TPTE: variants seen among roughly 807,000 people sequenced by gnomAD.
TPTE encodes the protein putative tyrosine-protein phosphatase TPTE.
TPTE carries 59 observed loss-of-function variants against 84.1 expected under a neutral mutation model. That is an observed-to-expected ratio of 0.70 (90% CI 0.57 to 0.87). TPTE has a LOEUF of 0.87. TPTE is among the 40% of genes least tolerant of loss of function. TPTE has a pLI of 0.00. For missense variants in TPTE, 382 were observed against 659.6 expected, an observed-to-expected ratio of 0.58 and a Z score of 4.61; for synonymous variants, 130 against 223.5, an observed-to-expected ratio of 0.58 and a Z score of 3.73.
chr21:10,589,951 C>T (rs2075436040), intron 17 of TPTE, among the ~76,000 whole-genome samples: 1 of 152,310 alleles, frequency 6.6e-6, no homozygotes, highest in Non-Finnish European at 1.5e-5. Context: ...AAAAAACATC[C>T]TTGCATCCTT....
At chr21:10,553,783 A>T (rs2074626009) in intron 8 of TPTE, among the ~76,000 whole-genome samples, 1 of 152,308 alleles carries the variant, frequency 6.6e-6, no homozygotes, top group African/African-American at 2.4e-5. Flanking sequence ...CCTGATACTC[A>T]GCAAGTCACT....
At chr21:10,536,439 CA>C (rs1391150641) in intron 3 of TPTE, among the ~76,000 whole-genome samples, 4 of 152,312 alleles carry the variant, frequency 2.6e-5, no homozygotes, top group Non-Finnish European at 4.4e-5. Context: ...AGCCTGCATA[CA>C]GAATTGACAT....
At chr21:10,527,151 T>TCA (rs1160648422) in intron 2 of TPTE, among the ~76,000 whole-genome samples, 3 of 148,682 alleles carry the variant, frequency 2.0e-5, no homozygotes, top group East Asian at 1.9e-4. Flanking sequence ...TCTCTCTCTC[T>TCA]CTCTCTCACA....
chr21:10,603,813 C>A (rs919139546), intron 23 of TPTE, among the ~76,000 whole-genome samples, 181 bp downstream of exon 23: 1 of 152,312 alleles, frequency 6.6e-6, no homozygotes, highest in Non-Finnish European at 1.5e-5. Flanking sequence ...TCCATTTGTT[C>A]TTGAGACCCA....
intron 21 of TPTE, 71 bp from the exon 22 acceptor site, chr21:10,601,987 T>A: frequency 2.0e-6 from 3 of 1,513,836 alleles, no homozygotes; most frequent in South Asian, 2.3e-5. Context: ...GAAGTCATGA[T>A]AAGTGAAAAG....
At chr21:10,566,831 G>A (rs1202486628) in intron 10 of TPTE, among the ~76,000 whole-genome samples, 15 of 152,420 alleles carry the variant, frequency 9.8e-5, no homozygotes, top group Admixed American at 2.6e-4. Flanking sequence ...ACAAAAATTA[G>A]CTGGGTGTGG....
At position 10,562,228 on chromosome 21, in the gene TPTE, G is replaced by A. The variant is rs2074822047; in HGVS notation, c.446+1037G>A. Among the ~76,000 whole-genome samples the A allele has an allele frequency of 2.0e-5, 3 of 152,310 alleles. No homozygotes were observed. In the South Asian group the frequency reaches 6.2e-4, roughly 31 times the overall value. On this transcript the variant is annotated intron_variant, in intron 10 of 23. Coordinates refer to ENST00000618007, the MANE Select transcript of TPTE (RefSeq NM_199261.4). Reference sequence around the variant, plus strand: ...ATAGAGATTAGATCACAGTATCCAAGTTCTTTCAAATATCTGGAAAGCCTT... The same window carrying A: ...ATAGAGATTAGATCACAGTATCCAAATTCTTTCAAATATCTGGAAAGCCTT...
chr21:10,545,485 A>G (rs1186105414), intron 7 of TPTE, among the ~76,000 whole-genome samples: 1 of 152,426 alleles, frequency 6.6e-6, no homozygotes, highest in East Asian at 1.9e-4. Context: ...CCTGAAGTGT[A>G]CATTTTTAAT....
At chr21:10,588,895 T>C (rs2075414239) in intron 17 of TPTE, among the ~76,000 whole-genome samples, 1 of 152,308 alleles carries the variant, frequency 6.6e-6, no homozygotes, top group South Asian at 2.1e-4. Context: ...ATCTCTTCCT[T>C]CATTTCCCGG....
chr21:10,551,625 TTAACAACA>T (rs2074576322), intron 7 of TPTE, among the ~76,000 whole-genome samples: 1 of 152,200 alleles, frequency 6.6e-6, no homozygotes, highest in Non-Finnish European at 1.5e-5. Flanking sequence ...TTACAAAAGG[TTAACAACA>T]AAAAGGTTTA....
chr21:10,548,999 T>G (rs2074523361), intron 7 of TPTE, among the ~76,000 whole-genome samples: 1 of 152,312 alleles, frequency 6.6e-6, no homozygotes, highest in African/African-American at 2.4e-5. Context: ...ACTCTATGCC[T>G]GCACACACCC....
intron 4 of TPTE, among the ~76,000 whole-genome samples, chr21:10,540,260 C>G (rs1336190695): frequency 6.6e-6 from 1 of 152,302 alleles, no homozygotes; most frequent in African/African-American, 2.4e-5. Flanking sequence ...TACATGCATT[C>G]GTACACACAA....
At chr21:10,550,174 C>T (rs1420027653) in intron 7 of TPTE, among the ~76,000 whole-genome samples, 3 of 152,304 alleles carry the variant, frequency 2.0e-5, no homozygotes, top group East Asian at 1.9e-4. Context: ...GGGAGTCTTA[C>T]ATCTGGAAGT....
chr21:10,590,822 A>G (rs866823423), intron 18 of TPTE, among the ~76,000 whole-genome samples: 679 of 151,228 alleles, frequency 4.5e-3, no homozygotes, highest in African/African-American at 0.016. Flanking sequence ...ATATTTTAAT[A>G]AAAATTAATG....
chr21:10,558,410 A>G (rs1429006398), intron 8 of TPTE, among the ~76,000 whole-genome samples: 2 of 152,306 alleles, frequency 1.3e-5, no homozygotes, highest in Admixed American at 6.5e-5. Context: ...CCTTGCCCGC[A>G]TCTGTTATTT....
intron 2 of TPTE, among the ~76,000 whole-genome samples, chr21:10,525,510 T>C (rs2074062355): frequency 6.6e-6 from 1 of 152,312 alleles, no homozygotes; most frequent in Admixed American, 6.5e-5. Flanking sequence ...ATACTGTGTC[T>C]GCTTGCTACT....
At chr21:10,593,954 C>CAAACAAAACA (rs113374522) in intron 19 of TPTE, among the ~76,000 whole-genome samples, 5 of 151,764 alleles carry the variant, frequency 3.3e-5, no homozygotes, top group African/African-American at 1.2e-4. Flanking sequence ...ACCCAAGCCC[C>CAAACAAAACA]AAACAAAACA....
intron 1 of TPTE, among the ~76,000 whole-genome samples, chr21:10,522,238 C>T (rs1194711716): frequency 2.0e-5 from 3 of 152,290 alleles, no homozygotes; most frequent in Admixed American, 1.3e-4. Context: ...CTTCCGCCCA[C>T]GGGAAGGTGC....
intron 3 of TPTE, among the ~76,000 whole-genome samples, chr21:10,528,949 G>A (rs4110994): frequency 4.9e-4 from 75 of 152,394 alleles, no homozygotes; most frequent in African/African-American, 1.8e-3. Context: ...CACTTTGGGA[G>A]GCTGAGGCAG....
Sources: allele counts gnomAD v4.1 joint callset (sites outside exome capture counted in the v4.1 genomes callset), GRCh38; gene constraint gnomAD v4.1.1; transcripts MANE v1.5; gene names NCBI Gene and HGNC (gene_info 2026-07-23, HGNC 2026-07-21).